Variants in EXOSC10 observed in about 807,000 individuals in gnomAD.
The protein encoded by EXOSC10 is exosome component 10.
EXOSC10 carries 94 observed loss-of-function variants against 126.6 expected under a neutral mutation model. The ratio of observed to expected loss-of-function variants is 0.74; its 90% CI spans 0.63 to 0.88. The LOEUF (loss-of-function observed/expected upper bound fraction) is 0.88. Among genes scored for constraint, EXOSC10 ranks in the 40% least tolerant of loss-of-function variants. The pLI is 0.00. For synonymous variants in EXOSC10, 395 were observed against 400.8 expected (o/e 0.99, Z 0.17); for missense variants, 1,041 against 1,100.5 (o/e 0.95, Z 0.77).
chr1:11,072,058 C>T (rs976632205), intron 20 of EXOSC10, 29 bp downstream of exon 20: 15 of 1,575,486 alleles, frequency 9.5e-6, no homozygotes, highest in Middle Eastern at 1.7e-4. Flanking sequence ...CTTTAACAGC[C>T]GACTGAGTTG....
Position 11,071,290 on chromosome 1 carries a change from C to G in EXOSC10, c.2243-317G>C, listed in dbSNP as rs1277684998. 4 of 348,234 alleles carry G rather than the reference C, an allele frequency of 1.1e-5. No homozygotes were observed. The East Asian group carries it at 1.9e-4, about 17-fold the overall frequency. 21.6% of individuals were successfully genotyped at this position (348,234 alleles called of 1,614,324 possible). ...GTCACCATCACCATCGTGGACAAAC[C>G]TGCTCAAACCAGCTACTTTGGCTGC... On this transcript the variant is annotated intron_variant, in intron 20 of 24. Transcript: ENST00000376936.
chr1:11,097,650 T>C (rs12131787), intron 2 of EXOSC10, among the ~76,000 whole-genome samples: 10,944 of 151,576 alleles, frequency 0.072, 613 homozygotes, highest in East Asian at 0.15. Context: ...AGCGTGAACC[T>C]GGGAGGCGGA....
At position 11,071,828 on chromosome 1, in the gene EXOSC10, C is replaced by T. The variant is rs116686578; in HGVS notation, c.2242+259G>A. On this transcript the variant is annotated intron_variant, in intron 20 of 24. Coordinates refer to ENST00000376936, the MANE Select transcript of EXOSC10 (RefSeq NM_001001998.3). ...CTCTTCTCTAGGTCACTGCAGGTCT[C>T]GTCAATGTCGCATTCATTAGACTGC... 2.5e-3 allele frequency: 1,068 copies of T among 421,884 alleles called. 12 individuals are homozygous for T. Among genetic ancestry groups the T allele is most frequent in the African/African-American group, 0.018 (918 of 49,804 alleles). 26.1% of individuals were successfully genotyped at this position (421,884 alleles called of 1,614,324 possible).
intron 23 of EXOSC10, 181 bp downstream of exon 23, chr1:11,068,464 C>G (rs557474210): frequency 1.6e-6 from 1 of 617,428 alleles, no homozygotes; most frequent in South Asian, 2.0e-5. Context: ...CCAGCTTTTA[C>G]AGCCTCGTTT....
At chr1:11,069,097 C>G (rs1639288411) in intron 22 of EXOSC10, among the ~76,000 whole-genome samples, 2 of 152,134 alleles carry the variant, frequency 1.3e-5, no homozygotes, top group Admixed American at 1.3e-4. Flanking sequence ...TCCAAAGGAG[C>G]ATGTTGCTCC....
intron 19 of EXOSC10, among the ~76,000 whole-genome samples, chr1:11,073,511 C>A (rs1276398617): frequency 6.6e-6 from 1 of 152,198 alleles, no homozygotes; most frequent in Non-Finnish European, 1.5e-5. Context: ...CTTTTGCATT[C>A]ATTTTCACGG....
intron 15 of EXOSC10, 33 bp downstream of exon 15, chr1:11,077,568 C>T (rs1639888695): frequency 6.2e-7 from 1 of 1,613,754 alleles, no homozygotes; most frequent in Non-Finnish European, 8.5e-7. Flanking sequence ...GACGTTTTCC[C>T]TCCTGGGGGA....
intron 6 of EXOSC10, among the ~76,000 whole-genome samples, chr1:11,089,555 A>C (rs1640684002): frequency 6.6e-6 from 1 of 150,834 alleles, no homozygotes; most frequent in Non-Finnish European, 1.5e-5. Flanking sequence ...CAGGAGGCAG[A>C]GGCTGCAGTC....
intron 2 of EXOSC10, 71 bp from the exon 3 acceptor site, chr1:11,095,952 G>T: frequency 2.0e-6 from 3 of 1,512,768 alleles, no homozygotes; most frequent in Non-Finnish European, 2.7e-6. Flanking sequence ...GAGAGAGAAT[G>T]TTCAAATGAT....
Position 11,081,178 on chromosome 1 carries a change from G to C in EXOSC10, c.1341C>G (p.Ile447Met). The change falls in exon 11 of 25, where the codon ATC becomes ATG. Residue 447 changes from isoleucine (I) to methionine (M), a missense_variant. By Grantham distance (10) the Ile-to-Met change is conservative (BLOSUM62 1). Transcript: ENST00000376936. ...ARDDTHYLLY[I>M]YDKMRLEMWE... ...ACATCTCCAGCCTCATTTTGTCATA[G>C]ATATATAGCAGGTAATGGGTGTCAT... The C allele has an allele frequency of 5.0e-6, 8 of 1,614,162 alleles. No homozygotes were observed. Among genetic ancestry groups the C allele is most frequent in the Non-Finnish European group, 5.9e-6 (7 of 1,180,036 alleles).
chr1:11,087,935 A>C, intron 7 of EXOSC10, 25 bp from the exon 8 acceptor site: 1 of 1,457,922 alleles, frequency 6.9e-7, no homozygotes, highest in Non-Finnish European at 9.6e-7. Flanking sequence ...TAGTAAGAAA[A>C]AGGGAGGAAT....
At position 11,088,112 on chromosome 1, in the gene EXOSC10, T is replaced by A. The variant is rs1350210689; in HGVS notation, c.834+11A>T. 6.2e-7 allele frequency: 1 copy of A among 1,608,044 alleles called. No individual in the cohort carries two copies. Among genetic ancestry groups the A allele is most frequent in the South Asian group, 1.1e-5 (1 of 90,356 alleles). ...CTACACGGCACCTTTAAACTAAGGC[T>A]GGGTACTAACCTGGGGTTGTGGCTT... On this transcript the variant is annotated intron_variant, in intron 7 of 24. Coordinates refer to ENST00000376936, the MANE Select transcript of EXOSC10 (RefSeq NM_001001998.3).
intron 14 of EXOSC10, among the ~76,000 whole-genome samples, chr1:11,078,850 G>C (rs1480602703): frequency 1.3e-5 from 2 of 152,148 alleles, no homozygotes; most frequent in Non-Finnish European, 2.9e-5. Context: ...ACTTGCTGCT[G>C]AATCATCAAA....
chr1:11,099,565 G>T, intron 1 of EXOSC10, 156 bp downstream of exon 1: 1 of 692,898 alleles, frequency 1.4e-6, no homozygotes. Flanking sequence ...CCCATCCCCG[G>T]AGGGTGCAGG....
intron 17 of EXOSC10, among the ~76,000 whole-genome samples, chr1:11,075,611 A>G (rs2100964867): frequency 6.6e-6 from 1 of 152,276 alleles, no homozygotes; most frequent in Middle Eastern, 3.4e-3. Context: ...TGCTAAAGCA[A>G]GGCCCAATCT....
rs536840601 is a variant in EXOSC10, at chr1:11,072,004, C to T, written c.2242+83G>A. 79 of 1,128,078 alleles carry T rather than the reference C, an allele frequency of 7.0e-5. 1 individual carries two copies. The South Asian group carries it at 8.4e-4, about 12-fold the overall frequency. 69.9% of individuals were successfully genotyped at this position (1,128,078 alleles called of 1,614,324 possible). On this transcript the variant is annotated intron_variant, in intron 20 of 24. Transcript: ENST00000376936. The stretch of plus-strand genomic sequence containing the variant: ...GCCCCACAGGGGCTTCATTCATCGC[C>T]GTATCTGGCACTTGGCTGAAACAGC...
chr1:11,066,794 G>C (rs760950584), intron 24 of EXOSC10, 46 bp from the exon 25 acceptor site: 3 of 1,598,626 alleles, frequency 1.9e-6, no homozygotes, highest in Admixed American at 1.7e-5. Context: ...GGGCTGGTTG[G>C]ATGTTCTCAG....
chr1:11,091,203 T>G lies in EXOSC10; in HGVS notation c.478-24A>C, dbSNP rs373051228. The G allele has an allele frequency of 2.3e-5, 37 of 1,587,082 alleles. No individual in the cohort carries two copies. In the African/African-American group the frequency reaches 4.5e-4, roughly 19 times the overall value. ...GCCTATGATCAATGAATACAAATACTTTATAACACAGCAACTTGATGAATT... is the reference window on the plus strand; with the variant it reads ...GCCTATGATCAATGAATACAAATACGTTATAACACAGCAACTTGATGAATT... On this transcript the variant is annotated intron_variant, in intron 4 of 24. Transcript: ENST00000376936.
Position 11,066,638 on chromosome 1 carries a change from A to G in EXOSC10, c.*80T>C, listed in dbSNP as rs756197898. The G allele has an allele frequency of 6.7e-7, 1 of 1,497,036 alleles. No individual in the cohort carries two copies. Among genetic ancestry groups the G allele is most frequent in the Non-Finnish European group, 9.3e-7 (1 of 1,074,634 alleles). 92.7% of individuals were successfully genotyped at this position (1,497,036 alleles called of 1,614,324 possible). On this transcript the variant is annotated 3_prime_UTR_variant, in exon 25 of 25. Transcript: ENST00000376936. The stretch of plus-strand genomic sequence containing the variant: ...TCAGCTTTCTTCAGGAAGAATTTTA[A>G]TGGTTTAAAAATATGTATGTACAAA...
Sources: allele counts gnomAD v4.1 joint callset (sites outside exome capture counted in the v4.1 genomes callset), GRCh38; gene constraint gnomAD v4.1.1; transcripts MANE v1.5; gene names NCBI Gene and HGNC (gene_info 2026-07-23, HGNC 2026-07-21).